The following ADIPOR2 variants were observed in gnomAD, a reference collection of about 807,000 sequenced individuals.
ADIPOR2 encodes adiponectin receptor 2, also known as adiponectin receptor protein 2.
Under a neutral mutation model 40.9 loss-of-function variants are expected in ADIPOR2, and 18 were observed. The observed-to-expected ratio is 0.44, with a 90% CI of 0.30 to 0.65. The LOEUF (loss-of-function observed/expected upper bound fraction) is 0.65. Ranked by LOEUF, ADIPOR2 falls within the 30% of genes least tolerant of loss-of-function variation. The pLI is 0.09. For synonymous variants in ADIPOR2, 165 were observed against 166.4 expected (o/e 0.99, Z 0.06); for missense variants, 283 against 479.2 (o/e 0.59, Z 3.82).
intron 1 of ADIPOR2, among the ~76,000 whole-genome samples, chr12:1,703,578 C>A (rs1452364504): frequency 6.6e-6 from 1 of 151,876 alleles, no homozygotes; most frequent in Non-Finnish European, 1.5e-5. Flanking sequence ...CTACAAAAAA[C>A]TTAAAAAATT....
chr12:1,756,526 T>A (rs939562328), intron 2 of ADIPOR2, among the ~76,000 whole-genome samples: 1 of 137,410 alleles, frequency 7.3e-6, no homozygotes, highest in African/African-American at 2.8e-5. Flanking sequence ...GAGGGAAGAG[T>A]GAAATGAGAT....
chr12:1,712,099 T>C (rs2094678520), intron 1 of ADIPOR2, among the ~76,000 whole-genome samples: 1 of 152,124 alleles, frequency 6.6e-6, no homozygotes, highest in Admixed American at 6.5e-5. Flanking sequence ...AACCTGCCCT[T>C]TGTATCCCAT....
chr12:1,693,254 A>T (rs1399144822), intron 1 of ADIPOR2, among the ~76,000 whole-genome samples: 1 of 150,614 alleles, frequency 6.6e-6, no homozygotes, highest in Non-Finnish European at 1.5e-5. Context: ...AGCAGAGTTG[A>T]GTAGTTGTGC....
At chr12:1,696,289 T>G (rs1159307206) in intron 1 of ADIPOR2, 1 of 161,296 alleles carries the variant, frequency 6.2e-6, no homozygotes, top group Non-Finnish European at 1.4e-5. Context: ...AGTTTCTACT[T>G]GTCAACAGAT....
chr12:1,780,938 T>C lies in ADIPOR2; in HGVS notation c.700T>C (p.Trp234Arg). The C allele has an allele frequency of 6.2e-7, 1 of 1,613,698 alleles. No homozygotes were observed. The highest frequency in any genetic ancestry group is 8.5e-7 in the Non-Finnish European group (1 of 1,179,872). ...ALLIMGSFVP[W>R]LYYSFYCNPQ... ...TCTGATTATGGGAAGTTTTGTTCCT[T>C]GGCTTTATTATTCTTTCTACTGTAA... The change falls in exon 6 of 8, where the codon TGG (tryptophan) becomes CGG (arginine). Residue 234 changes from tryptophan (W) to arginine (R), a missense_variant. Trp to Arg is a moderately radical substitution (Grantham distance 101). Transcript: ENST00000357103.
At position 1,772,908 on chromosome 12, in the gene ADIPOR2, C is replaced by T. The variant is rs746942193; in HGVS notation, c.238C>T (p.Pro80Ser). ...AGATGAGGGCTTTATGGGCATGTCC[C>T]CTCTCTTACAAGCCCATCATGCTAT... is the stretch of plus-strand genomic sequence containing the variant. The part of the protein sequence containing the change: ...QEDEGFMGMS[P>S]LLQAHHAMEK... The change falls in exon 3 of 8, where the codon CCT (proline) becomes TCT (serine). Residue 80 changes from proline (P) to serine (S), a missense_variant. By Grantham distance (74) the Pro-to-Ser change is moderately conservative (BLOSUM62 -1). This residue lies in a region of ADIPOR2 where 112 missense variants were observed against 249.5 expected (regional missense o/e 0.45). Coordinates refer to ENST00000357103, the MANE Select transcript of ADIPOR2 (RefSeq NM_024551.3). 9.9e-6 allele frequency: 16 copies of T among 1,613,588 alleles called. No individual in the cohort carries two copies. The highest frequency in any genetic ancestry group is 2.2e-5 in the East Asian group (1 of 44,886).
At chr12:1,769,460 T>C (rs1170014073) in intron 2 of ADIPOR2, among the ~76,000 whole-genome samples, 1 of 152,256 alleles carries the variant, frequency 6.6e-6, no homozygotes, top group Non-Finnish European at 1.5e-5. Flanking sequence ...TGAGAACATA[T>C]TTGTGAATAT....
At chr12:1,720,980 T>G (rs1230962765) in intron 1 of ADIPOR2, among the ~76,000 whole-genome samples, 1 of 152,118 alleles carries the variant, frequency 6.6e-6, no homozygotes, top group Admixed American at 6.5e-5. Context: ...CACCTAACTT[T>G]AACCTGGAAG....
chr12:1,784,089 T>C lies in ADIPOR2; in HGVS notation c.1032+16T>C. ...TGACATCTGGGTAAGTATGTCGGGG[T>C]GACTGAGTGTGTAGGTATCTGCTCA... is the stretch of plus-strand genomic sequence containing the variant. On this transcript the variant is annotated intron_variant, in intron 7 of 7. Coordinates refer to ENST00000357103, the MANE Select transcript of ADIPOR2 (RefSeq NM_024551.3). 6.4e-7 allele frequency: 1 copy of C among 1,559,170 alleles called. No individual in the cohort carries two copies. Among genetic ancestry groups the C allele is most frequent in the African/African-American group, 1.4e-5 (1 of 73,170 alleles).
intron 1 of ADIPOR2, chr12:1,696,780 A>G (rs1024572987): frequency 3.3e-5 from 5 of 153,282 alleles, no homozygotes; most frequent in African/African-American, 1.2e-4. Flanking sequence ...GAAGAACTGA[A>G]TCACAGTTAT....
intron 1 of ADIPOR2, among the ~76,000 whole-genome samples, chr12:1,729,765 TTCTA>T (rs1395238276): frequency 6.6e-6 from 1 of 152,088 alleles, no homozygotes; most frequent in Non-Finnish European, 1.5e-5. Context: ...TTGCTTTACT[TTCTA>T]TCTCTTTTGT....
intron 2 of ADIPOR2, among the ~76,000 whole-genome samples, chr12:1,754,768 C>T (rs931054395): frequency 9.2e-5 from 14 of 151,890 alleles, no homozygotes; most frequent in Admixed American, 3.3e-4. Context: ...GAGTCTCGCT[C>T]TGTCACCCAG....
intron 1 of ADIPOR2, among the ~76,000 whole-genome samples, chr12:1,747,067 TAAAAA>T (rs775067721): frequency 2.0e-5 from 2 of 101,712 alleles, no homozygotes; most frequent in Admixed American, 1.2e-4. Context: ...CCCCAAAAAA[TAAAAA>T]AAACAAAACA....
At chr12:1,730,780 A>G (rs1250231364) in intron 1 of ADIPOR2, 1 of 152,188 alleles carries the variant, frequency 6.6e-6, no homozygotes, top group African/African-American at 2.4e-5. Context: ...AGAAGCAAGC[A>G]CAGAATGGAA....
chr12:1,781,211 A>G, intron 6 of ADIPOR2, 135 bp downstream of exon 6: 1 of 989,442 alleles, frequency 1.0e-6, no homozygotes, highest in Non-Finnish European at 1.4e-6. Flanking sequence ...CATAGTTCCT[A>G]TTGTTGGGGG....
chr12:1,715,967 G>T (rs528367888), intron 1 of ADIPOR2, among the ~76,000 whole-genome samples: 3 of 152,202 alleles, frequency 2.0e-5, no homozygotes, highest in Admixed American at 2.0e-4. Flanking sequence ...CGGCAACCTG[G>T]TCGGGTCTCC....
At chr12:1,691,426 G>A (rs1229462354) in intron 1 of ADIPOR2, among the ~76,000 whole-genome samples, 1 of 152,188 alleles carries the variant, frequency 6.6e-6, no homozygotes, top group African/African-American at 2.4e-5. Context: ...CGCCCTCCTT[G>A]CGACCGCTGT....
chr12:1,749,641 T>C (rs1222330850), intron 1 of ADIPOR2, among the ~76,000 whole-genome samples: 1 of 152,162 alleles, frequency 6.6e-6, no homozygotes, highest in Non-Finnish European at 1.5e-5. Flanking sequence ...GTGAGGTCTT[T>C]TTCGATTGTT....
At chr12:1,706,883 T>G (rs1160497351) in intron 1 of ADIPOR2, among the ~76,000 whole-genome samples, 1 of 152,128 alleles carries the variant, frequency 6.6e-6, no homozygotes, top group Non-Finnish European at 1.5e-5. Flanking sequence ...TCCATCACTT[T>G]GAGAGGCTGA....
Sources: allele counts gnomAD v4.1 joint callset (sites outside exome capture counted in the v4.1 genomes callset), GRCh38; gene constraint gnomAD v4.1.1; regional missense constraint gnomAD v4.1.1; transcripts MANE v1.5; gene names NCBI Gene and HGNC (gene_info 2026-07-23, HGNC 2026-07-21).